ANGPT1: variants seen among roughly 807,000 people sequenced by gnomAD.
ANGPT1 encodes angiopoietin-1.
ANGPT1 carries 17 observed loss-of-function variants against 62.2 expected under a neutral mutation model. The observed-to-expected ratio is 0.27, with a 90% CI of 0.19 to 0.41. The LOEUF (loss-of-function observed/expected upper bound fraction) is 0.41. Among genes scored for constraint, ANGPT1 ranks in the 10% least tolerant of loss-of-function variants. The pLI is 1.00. For synonymous variants in ANGPT1, 199 were observed against 198.9 expected, an observed-to-expected ratio of 1.00 and a Z score of 0.00; for missense variants, 478 against 594.9, an observed-to-expected ratio of 0.80 and a Z score of 2.04.
chr8:107,370,352 G>GAAAA (rs1233792511), intron 1 of ANGPT1, among the ~76,000 whole-genome samples: 6 of 23,126 alleles, frequency 2.6e-4, no homozygotes, highest in African/African-American at 4.8e-4. Flanking sequence ...AAGAAAGAAA[G>GAAAA]AAAGAAAGAA....
chr8:107,444,224 A>G (rs953707233), intron 1 of ANGPT1, among the ~76,000 whole-genome samples: 1 of 152,192 alleles, frequency 6.6e-6, no homozygotes, highest in Non-Finnish European at 1.5e-5. Flanking sequence ...CAACACTGGG[A>G]GTTCTAAAAG....
chr8:107,474,847 G>T (rs1812470808), intron 1 of ANGPT1, among the ~76,000 whole-genome samples: 1 of 152,060 alleles, frequency 6.6e-6, no homozygotes, highest in Admixed American at 6.6e-5. Context: ...GCTTCAAAGA[G>T]AATAAAATAC....
At chr8:107,324,704 A>G (rs192343663) in intron 3 of ANGPT1, among the ~76,000 whole-genome samples, 2 of 152,354 alleles carry the variant, frequency 1.3e-5, no homozygotes, top group East Asian at 3.9e-4. Flanking sequence ...GCTGCCTGTG[A>G]AGTCAAGCCT....
intron 7 of ANGPT1, 124 bp downstream of exon 7, chr8:107,284,558 G>GA: frequency 2.1e-6 from 2 of 944,032 alleles, no homozygotes; most frequent in Non-Finnish European, 2.8e-6. Context: ...AATAGGTCTA[G>GA]ACAAAAAAAA....
rs997997637 is a variant in ANGPT1 at position 107,478,468 on chromosome 8, C to G, written c.297+18794G>C. On this transcript the variant is annotated intron_variant, in intron 1 of 8. Coordinates refer to ENST00000517746, the MANE Select transcript of ANGPT1 (RefSeq NM_001146.5). ...GGAGGCTGAGGCAGGAGAATAGATT[C>G]AACCTGGGAGGCAGAGGTTGCAGTA... Among the ~76,000 whole-genome samples, 10 of 152,064 alleles carry G rather than the reference C, an allele frequency of 6.6e-5. No individual in the cohort carries two copies. In the East Asian group the frequency reaches 1.9e-3, roughly 30 times the overall value.
intron 8 of ANGPT1, among the ~76,000 whole-genome samples, chr8:107,262,065 C>T (rs558617772): frequency 2.3e-4 from 35 of 151,984 alleles, no homozygotes; most frequent in African/African-American, 8.0e-4. Flanking sequence ...CATGGTGGCA[C>T]GCACCTGTAG....
intron 5 of ANGPT1, among the ~76,000 whole-genome samples, chr8:107,299,462 CAT>C (rs1216357764): frequency 1.5e-5 from 2 of 131,166 alleles, no homozygotes; most frequent in Non-Finnish European, 3.2e-5. Flanking sequence ...ATACACTAAG[CAT>C]ATATATATAC....
intron 1 of ANGPT1, among the ~76,000 whole-genome samples, chr8:107,480,729 C>A (rs1464422210): frequency 1.3e-5 from 2 of 152,094 alleles, no homozygotes; most frequent in East Asian, 3.9e-4. Context: ...AACCATATAA[C>A]CTAGATCAAC....
chr8:107,414,819 G>T (rs971551111), intron 1 of ANGPT1, among the ~76,000 whole-genome samples: 1 of 152,104 alleles, frequency 6.6e-6, no homozygotes, highest in African/African-American at 2.4e-5. Context: ...TCTGCTAAAG[G>T]GAGAGGAATC....
intron 1 of ANGPT1, among the ~76,000 whole-genome samples, chr8:107,354,071 C>A (rs565475737): frequency 6.6e-6 from 1 of 152,152 alleles, no homozygotes. Flanking sequence ...TGTGGGACCA[C>A]ATTCTTGTGG....
At chr8:107,256,390 G>A (rs1813356828) in intron 8 of ANGPT1, among the ~76,000 whole-genome samples, 1 of 152,070 alleles carries the variant, frequency 6.6e-6, no homozygotes, top group Non-Finnish European at 1.5e-5. Flanking sequence ...TAAAAATTAA[G>A]CATGGCCAAG....
intron 1 of ANGPT1, among the ~76,000 whole-genome samples, chr8:107,407,886 A>G (rs528261861): frequency 1.3e-5 from 2 of 152,254 alleles, no homozygotes; most frequent in East Asian, 1.9e-4. Context: ...GATGACCACA[A>G]TGAGGACTGG....
chr8:107,494,373 A>G (rs570550367), intron 1 of ANGPT1, among the ~76,000 whole-genome samples: 157 of 152,316 alleles, frequency 1.0e-3, no homozygotes, highest in Non-Finnish European at 1.8e-3. Context: ...ATTTATCATT[A>G]CTTATCTAAG....
At chr8:107,297,752 C>CATAT (rs34606952) in intron 5 of ANGPT1, among the ~76,000 whole-genome samples, 5,369 of 146,250 alleles carry the variant, frequency 0.037, 296 homozygotes, top group African/African-American at 0.13. Context: ...ATTATGTATG[C>CATAT]ATATATATAT....
chr8:107,441,001 C>T (rs1427431929), intron 1 of ANGPT1, among the ~76,000 whole-genome samples: 3 of 152,166 alleles, frequency 2.0e-5, no homozygotes, highest in Non-Finnish European at 4.4e-5. Context: ...CCAACCATGG[C>T]AATGCTTTCA....
At chr8:107,323,249 C>G (rs1432082412) in intron 3 of ANGPT1, among the ~76,000 whole-genome samples, 1 of 152,124 alleles carries the variant, frequency 6.6e-6, no homozygotes, top group Non-Finnish European at 1.5e-5. Context: ...TATGGAGTGT[C>G]TAATATACTA....
chr8:107,264,184 T>C, intron 8 of ANGPT1, 37 bp downstream of exon 8: 1 of 1,590,922 alleles, frequency 6.3e-7, no homozygotes, highest in Non-Finnish European at 8.5e-7. Context: ...CCCAAACCAA[T>C]GAAACATAGC....
At chr8:107,305,264 G>C (rs1283403602) in intron 4 of ANGPT1, among the ~76,000 whole-genome samples, 1 of 151,928 alleles carries the variant, frequency 6.6e-6, no homozygotes, top group Non-Finnish European at 1.5e-5. Context: ...GGAAGATGTG[G>C]TCAGCAGGAA....
intron 1 of ANGPT1, among the ~76,000 whole-genome samples, chr8:107,420,000 C>G (rs894272456): frequency 6.6e-6 from 1 of 152,142 alleles, no homozygotes; most frequent in Non-Finnish European, 1.5e-5. Context: ...AAAGAGGAAT[C>G]TTAGGTTTAG....
Sources: allele counts gnomAD v4.1 joint callset (sites outside exome capture counted in the v4.1 genomes callset), GRCh38; gene constraint gnomAD v4.1.1; transcripts MANE v1.5; gene names NCBI Gene and HGNC (gene_info 2026-07-23, HGNC 2026-07-21).